The following DLG2 variants were observed in gnomAD, a reference collection of about 807,000 sequenced individuals.
DLG2 encodes the protein disks large homolog 2.
A neutral mutation model predicts 132.5 loss-of-function variants in DLG2; 45 were observed. The ratio of observed to expected loss-of-function variants is 0.34; its 90% CI spans 0.27 to 0.44. The LOEUF is 0.44. DLG2 is among the 20% of genes least tolerant of loss of function. The pLI, the probability that DLG2 is intolerant of heterozygous loss-of-function variation, is 1.00. For missense variants in DLG2, 1,045 were observed against 1,196.9 expected (o/e 0.87, Z 1.87); for synonymous variants, 424 against 419.6 (o/e 1.01, Z -0.13).
intron 4 of DLG2, among the ~76,000 whole-genome samples, chr11:85,227,959 T>A (rs191532618): frequency 4.4e-4 from 67 of 152,216 alleles, no homozygotes; most frequent in Non-Finnish European, 7.9e-4. Flanking sequence ...CCCCCAGGCA[T>A]CAGAAGGTGG....
At chr11:84,414,534 G>C (rs576632765) in intron 7 of DLG2, among the ~76,000 whole-genome samples, 1 of 152,068 alleles carries the variant, frequency 6.6e-6, no homozygotes, top group Admixed American at 6.6e-5. Context: ...TTTGAAATGG[G>C]TATTATATTC....
At chr11:85,103,866 C>T (rs1325029634) in intron 6 of DLG2, among the ~76,000 whole-genome samples, 1 of 151,760 alleles carries the variant, frequency 6.6e-6, no homozygotes, top group African/African-American at 2.4e-5. Flanking sequence ...ACTCTTACAA[C>T]TCAATAATAA....
intron 3 of DLG2, among the ~76,000 whole-genome samples, chr11:85,351,563 T>G (rs1462950338): frequency 6.6e-6 from 1 of 152,228 alleles, no homozygotes; most frequent in Admixed American, 6.5e-5. Flanking sequence ...TAAATAGCTC[T>G]TATTATTTTG....
chr11:85,152,778 C>T (rs543235107), intron 5 of DLG2, among the ~76,000 whole-genome samples: 1 of 152,300 alleles, frequency 6.6e-6, no homozygotes, highest in South Asian at 2.1e-4. Flanking sequence ...TGATATGTGT[C>T]CTACAGTCAA....
chr11:83,535,410 GA>G (rs1314019524), intron 20 of DLG2, among the ~76,000 whole-genome samples: 1 of 152,194 alleles, frequency 6.6e-6, no homozygotes, highest in Admixed American at 6.5e-5. Context: ...TCAACTCTCA[GA>G]ACTGTTTGGA....
At chr11:85,013,199 G>A (rs560469256) in intron 6 of DLG2, among the ~76,000 whole-genome samples, 1 of 152,112 alleles carries the variant, frequency 6.6e-6, no homozygotes, top group Non-Finnish European at 1.5e-5. Flanking sequence ...AGCACTTGTA[G>A]TATAGTAGCC....
At chr11:85,567,217 T>C (rs2077577931) in intron 3 of DLG2, among the ~76,000 whole-genome samples, 1 of 152,214 alleles carries the variant, frequency 6.6e-6, no homozygotes, top group African/African-American at 2.4e-5. Context: ...AAAACAGCTA[T>C]TGGTATTTTG....
intron 8 of DLG2, among the ~76,000 whole-genome samples, chr11:84,238,652 T>G (rs1469196133): frequency 6.7e-6 from 1 of 148,706 alleles, no homozygotes; most frequent in Non-Finnish European, 1.5e-5. Flanking sequence ...TTTTTTTTTT[T>G]GGAAATAGAG....
intron 2 of DLG2, chr11:85,625,077 T>C (rs1591409838): frequency 6.6e-6 from 1 of 152,184 alleles, no homozygotes; most frequent in East Asian, 1.9e-4. Flanking sequence ...AGAATATCAA[T>C]TGACCTTCCT....
intron 7 of DLG2, among the ~76,000 whole-genome samples, chr11:84,479,452 CA>C (rs1039408936): frequency 7.2e-5 from 11 of 152,108 alleles, no homozygotes; most frequent in South Asian, 4.1e-4. Flanking sequence ...TATTTCTAAT[CA>C]ATTAATTTTC....
rs73515710 is a variant in DLG2, at chr11:84,107,086, T to C, written c.625-8039A>G. ...AGGAGAAAAAGCAGAGGAAAGATTT[T>C]GGAGGATGGCAGGGAGGGGACTCAA... On this transcript the variant is annotated intron_variant, in intron 9 of 27. Transcript: ENST00000376104. Among the ~76,000 whole-genome samples the C allele has an allele frequency of 2.6e-3, 395 of 151,448 alleles. 1 individual carries two copies. Among genetic ancestry groups the C allele is most frequent in the African/African-American group, 9.0e-3 (371 of 41,296 alleles).
intron 11 of DLG2, among the ~76,000 whole-genome samples, chr11:84,048,859 C>G (rs1361062032): frequency 6.6e-6 from 1 of 151,492 alleles, no homozygotes; most frequent in Non-Finnish European, 1.5e-5. Context: ...CACACACACA[C>G]TATTGACAAA....
chr11:85,342,741 T>C (rs1213941476), intron 3 of DLG2, among the ~76,000 whole-genome samples: 1 of 152,176 alleles, frequency 6.6e-6, no homozygotes, highest in African/African-American at 2.4e-5. Context: ...GAGTAATGCA[T>C]TGTACTATGA....
At chr11:84,301,738 A>G (rs1003208091) in intron 7 of DLG2, among the ~76,000 whole-genome samples, 4 of 151,016 alleles carry the variant, frequency 2.6e-5, no homozygotes, top group African/African-American at 9.8e-5. Flanking sequence ...ACACTGTTTT[A>G]CACTGTTGGT....
chr11:85,422,638 G>A (rs944270677), intron 3 of DLG2, among the ~76,000 whole-genome samples: 10 of 151,794 alleles, frequency 6.6e-5, no homozygotes, highest in South Asian at 2.1e-4. Context: ...TTATAGACAC[G>A]TGCCACCACA....
chr11:84,768,051 T>A (rs899936919), intron 6 of DLG2, among the ~76,000 whole-genome samples: 13 of 152,194 alleles, frequency 8.5e-5, no homozygotes, highest in Admixed American at 7.2e-4. Flanking sequence ...ATCTCAGCAA[T>A]GTTATGCTGG....
intron 9 of DLG2, among the ~76,000 whole-genome samples, chr11:84,110,889 C>A (rs1208917975): frequency 7.2e-5 from 11 of 152,162 alleles, no homozygotes; most frequent in African/African-American, 2.7e-4. Context: ...GTCTGAGGGT[C>A]GCCATTTTGT....
chr11:85,084,569 T>C (rs570211945), intron 6 of DLG2, among the ~76,000 whole-genome samples: 2 of 151,858 alleles, frequency 1.3e-5, no homozygotes, highest in East Asian at 3.9e-4. Context: ...ATGAGTAGTA[T>C]CAACTAAAAG....
intron 3 of DLG2, among the ~76,000 whole-genome samples, chr11:85,354,781 T>A (rs1351308524): frequency 1.3e-5 from 2 of 151,612 alleles, no homozygotes; most frequent in Non-Finnish European, 2.9e-5. Flanking sequence ...ATGTGCACAC[T>A]TACCCATTCT....
Sources: gnomAD v4.1 joint callset for allele counts (sites outside exome capture counted in the v4.1 genomes callset) on GRCh38, gnomAD v4.1.1 for gene constraint, MANE v1.5 for transcripts, NCBI Gene and HGNC (gene_info 2026-07-23, HGNC 2026-07-21) for gene names.